The following ANO10 variants were observed in gnomAD, a reference collection of about 807,000 sequenced individuals.
ANO10 encodes anoctamin 10.
In ANO10, 77 loss-of-function variants were observed where a neutral mutation model predicts 74.7. That is an observed-to-expected ratio of 1.03 (90% CI 0.86 to 1.25). ANO10 has a LOEUF of 1.25. Ranked by LOEUF, ANO10 falls within the 50% of genes most tolerant of loss-of-function variation. The pLI is 0.00. For synonymous variants in ANO10, 279 were observed against 284.9 expected (o/e 0.98, Z 0.21); for missense variants, 721 against 778.1 (o/e 0.93, Z 0.87).
chr3:43,645,298 G>A (rs2083715509), intron 1 of ANO10, among the ~76,000 whole-genome samples: 1 of 152,082 alleles, frequency 6.6e-6, no homozygotes, highest in African/African-American at 2.4e-5. Flanking sequence ...AGACCATCCT[G>A]GCCAACATGG....
At chr3:43,367,505 A>T (rs929807871) in intron 12 of ANO10, among the ~76,000 whole-genome samples, 3 of 152,170 alleles carry the variant, frequency 2.0e-5, no homozygotes, top group African/African-American at 7.2e-5. Context: ...TTTTGTCCCT[A>T]GTACAGCCAC....
chr3:43,528,721 GA>G (rs2078320685), intron 11 of ANO10, among the ~76,000 whole-genome samples: 1 of 152,136 alleles, frequency 6.6e-6, no homozygotes, highest in Non-Finnish European at 1.5e-5. Context: ...AGACTCAGAA[GA>G]AAAAAACAGC....
At chr3:43,479,324 CATT>C (rs771346666) in intron 11 of ANO10, among the ~76,000 whole-genome samples, 4 of 152,126 alleles carry the variant, frequency 2.6e-5, no homozygotes, top group Non-Finnish European at 5.9e-5. Flanking sequence ...ACATTTTAAA[CATT>C]GTTGTTGCTT....
chr3:43,650,816 T>G (rs1466085404), intron 1 of ANO10, among the ~76,000 whole-genome samples: 1 of 152,228 alleles, frequency 6.6e-6, no homozygotes, highest in East Asian at 1.9e-4. Context: ...TGTACTAACA[T>G]TAATGTAATA....
At chr3:43,468,239 C>CTT (rs2075709985) in intron 11 of ANO10, among the ~76,000 whole-genome samples, 1 of 152,196 alleles carries the variant, frequency 6.6e-6, no homozygotes, top group Non-Finnish European at 1.5e-5. Context: ...AAGTGGTCTA[C>CTT]TCTACAAGTT....
intron 1 of ANO10, among the ~76,000 whole-genome samples, chr3:43,658,524 C>T (rs181465923): frequency 4.6e-5 from 7 of 152,044 alleles, no homozygotes; most frequent in Non-Finnish European, 8.8e-5. Flanking sequence ...GGCTGGAGTG[C>T]AGTGGTGCGA....
chr3:43,445,122 CAAAAAA>C (rs10689478), intron 11 of ANO10, among the ~76,000 whole-genome samples: 2 of 91,534 alleles, frequency 2.2e-5, no homozygotes, highest in African/African-American at 8.7e-5. Context: ...GACTTTGCCT[CAAAAAA>C]AAAAAAAAAA....
intron 11 of ANO10, among the ~76,000 whole-genome samples, chr3:43,438,997 A>G (rs557785859): frequency 6.6e-6 from 1 of 152,276 alleles, no homozygotes; most frequent in Admixed American, 6.5e-5. Flanking sequence ...AATAGCTGGA[A>G]ACTTACCAAA....
intron 11 of ANO10, among the ~76,000 whole-genome samples, chr3:43,446,647 A>C (rs1219212541): frequency 6.6e-6 from 1 of 152,200 alleles, no homozygotes; most frequent in African/African-American, 2.4e-5. Flanking sequence ...TCAGGTTTTC[A>C]CTAGGGAGAC....
Position 43,430,313 on chromosome 3 carries a change from C to CT in ANO10, c.1914+2297dup, listed in dbSNP as rs535916109. ...TCATTTTTCATGTATTTTACTTTAT[C>CT]TTTTTTTTTTTAATGATTTTTGGGT... On this transcript the variant is annotated intron_variant, in intron 12 of 12. Transcript: ENST00000292246. Among the ~76,000 whole-genome samples the CT allele has an allele frequency of 5.3e-3, 738 of 139,326 alleles. 5 individuals are homozygous for CT. The highest frequency in any genetic ancestry group is 0.012 in the Admixed American group (163 of 13,958). 91.4% of individuals were successfully genotyped at this position (139,326 alleles called of 152,430 possible). A position where few individuals can be genotyped will look rare whatever the true frequency, so the allele number is the denominator to read the frequency against.
At chr3:43,605,612 A>C in intron 2 of ANO10, 102 bp downstream of exon 2, 1 of 1,447,010 alleles carries the variant, frequency 6.9e-7, no homozygotes, top group East Asian at 2.3e-5. Context: ...ATTATAAAAC[A>C]CATTTGCAAA....
intron 4 of ANO10, among the ~76,000 whole-genome samples, chr3:43,582,217 C>A (rs1302330910): frequency 6.6e-6 from 1 of 152,060 alleles, no homozygotes; most frequent in East Asian, 1.9e-4. Flanking sequence ...TTTGGGAGGC[C>A]AAGGCGGGTG....
At chr3:43,381,835 CAAATATAAGA>C (rs2091967831) in intron 12 of ANO10, among the ~76,000 whole-genome samples, 2 of 152,146 alleles carry the variant, frequency 1.3e-5, no homozygotes, top group Admixed American at 1.3e-4. Context: ...CAAGTCTCAA[CAAATATAAGA>C]AAATCGAAAT....
intron 11 of ANO10, among the ~76,000 whole-genome samples, chr3:43,509,893 C>T (rs1172595609): frequency 6.6e-6 from 1 of 152,072 alleles, no homozygotes; most frequent in Admixed American, 6.5e-5. Context: ...CTGGTATACA[C>T]ATATATTGAA....
At chr3:43,534,470 G>A (rs761845429) in intron 11 of ANO10, among the ~76,000 whole-genome samples, 141 of 151,622 alleles carry the variant, frequency 9.3e-4, no homozygotes, top group Admixed American at 2.4e-3. Flanking sequence ...GTGAACGTGC[G>A]CGCATGAGAG....
chr3:43,449,822 T>C (rs999753660), intron 11 of ANO10, among the ~76,000 whole-genome samples: 2 of 152,214 alleles, frequency 1.3e-5, no homozygotes, highest in African/African-American at 4.8e-5. Flanking sequence ...ATACATAAAA[T>C]AACTTGCTTG....
At chr3:43,601,035 C>A (rs115793991) in intron 2 of ANO10, among the ~76,000 whole-genome samples, 18 of 151,966 alleles carry the variant, frequency 1.2e-4, no homozygotes, top group Non-Finnish European at 2.2e-4. Context: ...TACTAAATAA[C>A]AAAAAGCAAT....
intron 12 of ANO10, among the ~76,000 whole-genome samples, chr3:43,408,790 G>T (rs2092619398): frequency 6.6e-6 from 1 of 152,198 alleles, no homozygotes; most frequent in South Asian, 2.1e-4. Context: ...AGCACTTTGG[G>T]AGACTGAGGC....
rs1200074950 is a variant in ANO10, at chr3:43,580,431, G to A, written c.514C>T (p.Pro172Ser). The change falls in exon 5 of 13, where the codon CCA (proline) becomes TCA (serine). Residue 172 changes from proline (P) to serine (S), a missense_variant. Physicochemically the swap from Pro to Ser is moderately conservative, Grantham distance 74. Coordinates refer to ENST00000292246, the MANE Select transcript of ANO10 (RefSeq NM_018075.5). ...TTCAGGGCTTCACTGTCATGCAGTG[G>A]AAACACCTGAATCACGATGCCAGAC... ...LTSGIVIQVF[P>S]LHDSEALKKL... is the part of the protein sequence containing the mutation. 1 of 1,613,890 alleles carries A rather than the reference G, an allele frequency of 6.2e-7. No individual in the cohort carries two copies. Among genetic ancestry groups the A allele is most frequent in the African/African-American group, 1.3e-5 (1 of 74,930 alleles).
Sources: gnomAD v4.1 joint callset for allele counts (sites outside exome capture counted in the v4.1 genomes callset) on GRCh38, gnomAD v4.1.1 for gene constraint, MANE v1.5 for transcripts, NCBI Gene and HGNC (gene_info 2026-07-23, HGNC 2026-07-21) for gene names.